The following TENM4 variants were observed in gnomAD, a reference collection of about 807,000 sequenced individuals.
The protein encoded by TENM4 is teneurin transmembrane protein 4.
In TENM4, 82 loss-of-function variants were observed where a neutral mutation model predicts 243.3. That is an observed-to-expected ratio of 0.34 (90% CI 0.28 to 0.40). The LOEUF (loss-of-function observed/expected upper bound fraction) is 0.40, where lower values mean the gene tolerates loss of function less well. Ranked by LOEUF, TENM4 falls within the 10% of genes least tolerant of loss-of-function variation. The pLI is 1.00. For synonymous variants in TENM4, 1,412 were observed against 1,456.3 expected (o/e 0.97, Z 0.69); for missense variants, 3,138 against 3,673.3 (o/e 0.85, Z 3.77).
Position 78,657,943 on chromosome 11 carries a change from G to T in TENM4, c.*115C>A. 3 of 1,480,380 alleles carry T rather than the reference G, an allele frequency of 2.0e-6. No homozygotes were observed. Among genetic ancestry groups the T allele is most frequent in the Non-Finnish European group, 1.9e-6 (2 of 1,063,912 alleles). 91.7% of individuals were successfully genotyped at this position (1,480,380 alleles called of 1,614,324 possible). A position where few individuals can be genotyped will look rare whatever the true frequency, so the allele number is the denominator to read the frequency against. On this transcript the variant is annotated 3_prime_UTR_variant, in exon 34 of 34. Coordinates refer to ENST00000278550, the MANE Select transcript of TENM4 (RefSeq NM_001098816.3). ...TGTTGCATGAGTTACAATGCAACCAGTATCTTTTTGTTTCTGCACTTGTTA... is the reference window on the plus strand; with the variant it reads ...TGTTGCATGAGTTACAATGCAACCATTATCTTTTTGTTTCTGCACTTGTTA...
chr11:79,169,288 C>T (rs532089310), intron 3 of TENM4, among the ~76,000 whole-genome samples: 1 of 152,358 alleles, frequency 6.6e-6, no homozygotes, highest in South Asian at 2.1e-4. Flanking sequence ...TACCCTGGCA[C>T]ATCTGTGAAT....
At chr11:78,792,573 G>A (rs567787966) in intron 15 of TENM4, among the ~76,000 whole-genome samples, 1 of 152,226 alleles carries the variant, frequency 6.6e-6, no homozygotes, top group East Asian at 1.9e-4. Flanking sequence ...CCTCTCTCTA[G>A]ATTGGAAGCC....
chr11:79,173,383 T>A (rs1863089884), intron 3 of TENM4, among the ~76,000 whole-genome samples: 1 of 152,080 alleles, frequency 6.6e-6, no homozygotes, highest in South Asian at 2.1e-4. Flanking sequence ...TATTCTCGGT[T>A]GAGTCTCAAT....
intron 2 of TENM4, among the ~76,000 whole-genome samples, chr11:79,255,620 C>G (rs942784749): frequency 6.6e-6 from 1 of 152,212 alleles, no homozygotes; most frequent in African/African-American, 2.4e-5. Context: ...GCATTCAACA[C>G]ATTGAATAGC....
Position 78,965,821 on chromosome 11 carries a change from G to A in TENM4, c.494-62298C>T, listed in dbSNP as rs899085425. ...GTGTGCAGAGTTTCTGTGAAGTACA[G>A]TTATTATTGGAAACAAGTTAATTTC... On this transcript the variant is annotated intron_variant, in intron 6 of 33. Transcript: ENST00000278550. Among the ~76,000 whole-genome samples the A allele has an allele frequency of 4.6e-5, 7 of 151,980 alleles. No individual in the cohort carries two copies. In the East Asian group the frequency reaches 1.2e-3, roughly 25 times the overall value.
At chr11:79,401,945 G>A in intron 1 of TENM4, 1 of 301,508 alleles carries the variant, frequency 3.3e-6, no homozygotes, top group Non-Finnish European at 7.8e-6. Context: ...TCCTCAGGTG[G>A]TGGTTGACGC....
intron 2 of TENM4, among the ~76,000 whole-genome samples, chr11:79,246,993 A>T (rs1287594786): frequency 8.0e-6 from 1 of 125,764 alleles, no homozygotes. Flanking sequence ...CTCAAAAAAA[A>T]AAAAACACCC....
intron 1 of TENM4, among the ~76,000 whole-genome samples, chr11:79,393,687 T>C (rs968852663): frequency 6.6e-6 from 1 of 152,170 alleles, no homozygotes; most frequent in Non-Finnish European, 1.5e-5. Flanking sequence ...ACGATGCATA[T>C]GGGCACCACT....
intron 9 of TENM4, among the ~76,000 whole-genome samples, chr11:78,865,732 G>C (rs1399413558): frequency 6.6e-6 from 1 of 152,106 alleles, no homozygotes; most frequent in Non-Finnish European, 1.5e-5. Context: ...GGCCACGCTC[G>C]GGTGAAAGCA....
intron 12 of TENM4, among the ~76,000 whole-genome samples, chr11:78,853,207 T>G (rs1471981000): frequency 4.6e-5 from 7 of 152,224 alleles, no homozygotes; most frequent in African/African-American, 1.4e-4. Context: ...TGGAGTTATA[T>G]TCTTCCATAA....
At chr11:79,079,619 C>T (rs539940122) in intron 4 of TENM4, among the ~76,000 whole-genome samples, 8 of 152,048 alleles carry the variant, frequency 5.3e-5, no homozygotes, top group South Asian at 2.1e-4. Flanking sequence ...CACTTGAGGC[C>T]GGGAGTTTGT....
At chr11:79,019,363 A>C (rs1858862905) in intron 6 of TENM4, among the ~76,000 whole-genome samples, 1 of 152,100 alleles carries the variant, frequency 6.6e-6, no homozygotes, top group Non-Finnish European at 1.5e-5. Flanking sequence ...GGAAGGAAAA[A>C]TGGCTACAGT....
chr11:78,947,616 C>G (rs182969181), intron 6 of TENM4, among the ~76,000 whole-genome samples: 1 of 152,212 alleles, frequency 6.6e-6, no homozygotes, highest in African/African-American at 2.4e-5. Context: ...AGAGAGAGTG[C>G]GGGGGCAAGG....
intron 1 of TENM4, among the ~76,000 whole-genome samples, chr11:79,431,160 C>T (rs1273279536): frequency 2.0e-5 from 3 of 152,182 alleles, no homozygotes; most frequent in Non-Finnish European, 2.9e-5. Flanking sequence ...CTACTCAGTA[C>T]TTTATTTCTC....
At chr11:78,868,544 T>C (rs1403397588) in intron 9 of TENM4, among the ~76,000 whole-genome samples, 1 of 152,182 alleles carries the variant, frequency 6.6e-6, no homozygotes, top group Non-Finnish European at 1.5e-5. Flanking sequence ...CCTTTTCCTG[T>C]CCAGTGAGAC....
chr11:78,983,800 G>T, intron 6 of TENM4, among the ~76,000 whole-genome samples: 1 of 151,036 alleles, frequency 6.6e-6, no homozygotes, highest in Non-Finnish European at 1.5e-5. Flanking sequence ...GTGGGGCTGG[G>T]TGGGCTCAGT....
intron 1 of TENM4, among the ~76,000 whole-genome samples, chr11:79,408,266 T>C (rs900023695): frequency 1.3e-5 from 2 of 152,176 alleles, no homozygotes; most frequent in African/African-American, 4.8e-5. Flanking sequence ...AGAGAAAAAC[T>C]TAGGAAAAAC....
chr11:79,103,950 T>C (rs1017951453), intron 4 of TENM4, among the ~76,000 whole-genome samples: 5 of 152,216 alleles, frequency 3.3e-5, no homozygotes, highest in Admixed American at 2.6e-4. Context: ...ATAGAAATAA[T>C]ACGTTGTAAT....
chr11:78,811,851 T>G (rs1225597148), intron 14 of TENM4, among the ~76,000 whole-genome samples: 1 of 152,372 alleles, frequency 6.6e-6, no homozygotes, highest in South Asian at 2.1e-4. Flanking sequence ...TAATAAGGTT[T>G]GAATTACATG....
Sources: allele counts gnomAD v4.1 joint callset (sites outside exome capture counted in the v4.1 genomes callset), GRCh38; gene constraint gnomAD v4.1.1; transcripts MANE v1.5; gene names NCBI Gene and HGNC (gene_info 2026-07-23, HGNC 2026-07-21).